SRGAP3: variants seen among roughly 807,000 people sequenced by gnomAD.
SRGAP3 encodes the protein SLIT-ROBO Rho GTPase activating protein 3.
SRGAP3 carries 39 observed loss-of-function variants against 121.1 expected under a neutral mutation model. The observed-to-expected ratio is 0.32, with a 90% CI of 0.25 to 0.42. The LOEUF is 0.42. Among genes scored for constraint, SRGAP3 ranks in the 10% least tolerant of loss-of-function variants. SRGAP3 has a pLI of 1.00. For missense variants in SRGAP3, 1,213 were observed against 1,470.6 expected (o/e 0.82, Z 2.86); for synonymous variants, 601 against 570.0 (o/e 1.05, Z -0.77).
At chr3:9,226,541 C>A (rs757922972) in intron 1 of SRGAP3, among the ~76,000 whole-genome samples, 1 of 152,170 alleles carries the variant, frequency 6.6e-6, no homozygotes, top group Non-Finnish European at 1.5e-5. Context: ...CTTCTATAAA[C>A]GCAGCCCAGA....
intron 3 of SRGAP3, among the ~76,000 whole-genome samples, chr3:9,294,366 C>G (rs1954916272): frequency 6.6e-6 from 1 of 152,070 alleles, no homozygotes; most frequent in Admixed American, 6.6e-5. Flanking sequence ...ACACTGGGGC[C>G]TATCAGATGG....
intron 1 of SRGAP3, among the ~76,000 whole-genome samples, chr3:9,224,142 C>A (rs959020216): frequency 6.6e-6 from 1 of 152,156 alleles, no homozygotes; most frequent in Non-Finnish European, 1.5e-5. Context: ...ATGATACCTA[C>A]AGCAACAGTC....
At chr3:9,298,818 G>A (rs1354099814) in intron 3 of SRGAP3, among the ~76,000 whole-genome samples, 6 of 152,090 alleles carry the variant, frequency 3.9e-5, no homozygotes, top group Admixed American at 6.6e-5. Context: ...TTGGGAGGCC[G>A]AGGCAGGCAG....
intron 6 of SRGAP3, chr3:9,060,000 T>G: frequency 1.7e-6 from 1 of 591,012 alleles, no homozygotes; most frequent in Non-Finnish European, 2.9e-6. Context: ...CCAAGCCAAC[T>G]GCACTGGGGC....
chr3:9,047,038 T>C (rs1022071545), intron 10 of SRGAP3, among the ~76,000 whole-genome samples: 1 of 152,118 alleles, frequency 6.6e-6, no homozygotes, highest in African/African-American at 2.4e-5. Flanking sequence ...TTCACCGTAT[T>C]AGCCAGGATG....
rs755834780 is a variant in SRGAP3, at chr3:9,064,415, A to G, written c.653T>C (p.Ile218Thr). Residue 218 changes from isoleucine to threonine, a missense_variant, in exon 5 of 22, where the codon ATT (isoleucine) becomes ACT (threonine). By Grantham distance (89) the Ile-to-Thr change is moderately conservative. Around this residue, in one of 2 missense-constraint regions of SRGAP3, gnomAD observed 793 missense variants for 1,032.9 expected, o/e 0.77. Coordinates refer to ENST00000383836, the MANE Select transcript of SRGAP3 (RefSeq NM_014850.4). Reference sequence around the variant, plus strand: ...ACTCACCTTCTCCTTCATCTTCTCAATCTTCTTCACAGAGCTGCGGCGCTG... The same window carrying G: ...ACTCACCTTCTCCTTCATCTTCTCAGTCTTCTTCACAGAGCTGCGGCGCTG... ...RPQRRSSVKK[I>T]EKMKEKRQAK... is the part of the protein sequence containing the mutation. The G allele has an allele frequency of 2.5e-6, 4 of 1,614,164 alleles. No homozygotes were observed. Among genetic ancestry groups the G allele is most frequent in the Admixed American group, 1.7e-5 (1 of 60,032 alleles).
chr3:9,229,462 C>G (rs181634007), intron 1 of SRGAP3, among the ~76,000 whole-genome samples: 1 of 152,136 alleles, frequency 6.6e-6, no homozygotes, highest in Non-Finnish European at 1.5e-5. Flanking sequence ...GGACAGAGGC[C>G]GGCATGGCAA....
intron 2 of SRGAP3, among the ~76,000 whole-genome samples, chr3:9,110,066 A>C (rs1440310700): frequency 1.3e-5 from 2 of 152,200 alleles, no homozygotes; most frequent in African/African-American, 4.8e-5. Context: ...CTGCACTTTC[A>C]AACTCTCACT....
At position 8,980,659 on chromosome 3, in the gene SRGAP3, T is replaced by G. The variant is rs752197001; in HGVS notation, c.*4860A>C. ...GTCAAACCAGCAGGCACCATCAGAA[T>G]ACGCGACAGAGGATCCAATCAGACA... is the stretch of plus-strand genomic sequence containing the variant. On this transcript the variant is annotated 3_prime_UTR_variant, in exon 22 of 22. Transcript: ENST00000383836. 13 of 231,386 alleles carry G rather than the reference T, an allele frequency of 5.6e-5. No individual in the cohort carries two copies. The highest frequency in any genetic ancestry group is 9.4e-5 in the Non-Finnish European group (11 of 116,724). 14.3% of individuals were successfully genotyped at this position (231,386 alleles called of 1,614,324 possible). A position where few individuals can be genotyped will look rare whatever the true frequency, so the allele number is the denominator to read the frequency against.
intron 9 of SRGAP3, among the ~76,000 whole-genome samples, chr3:9,050,644 T>C (rs1574979887): frequency 1.3e-5 from 2 of 152,248 alleles, no homozygotes; most frequent in South Asian, 2.1e-4. Flanking sequence ...TAGTCATAGA[T>C]ACTGGAGAAT....
intron 1 of SRGAP3, among the ~76,000 whole-genome samples, chr3:9,145,671 CACA>C (rs1949999011): frequency 6.6e-6 from 1 of 152,106 alleles, no homozygotes; most frequent in Admixed American, 6.5e-5. Flanking sequence ...TACAAAAAAT[CACA>C]ACATTACAAT....
chr3:9,078,785 C>G (rs1947100702), intron 4 of SRGAP3, among the ~76,000 whole-genome samples: 1 of 152,154 alleles, frequency 6.6e-6, no homozygotes, highest in Non-Finnish European at 1.5e-5. Context: ...CTTCCTTTAC[C>G]CTAAGAATGA....
chr3:9,002,760 T>A (rs1012076200), intron 18 of SRGAP3, among the ~76,000 whole-genome samples: 6 of 152,130 alleles, frequency 3.9e-5, no homozygotes, highest in African/African-American at 1.4e-4. Context: ...GAGGGGACGT[T>A]ACTACCATTA....
Position 8,985,682 on chromosome 3 carries a change from C to G in SRGAP3, c.3137G>C (p.Arg1046Pro), listed in dbSNP as rs112601580. 1 of 1,595,886 alleles carries G rather than the reference C, an allele frequency of 6.3e-7. No homozygotes were observed. Among genetic ancestry groups the G allele is most frequent in the Non-Finnish European group, 8.5e-7 (1 of 1,178,698 alleles). ...MTTFKPALSA[R>P]LAGAQLRPPP... ...CGGGCGGAGCTGGGCGCCAGCCAGG[C>G]GGGCGGACAGGGCTGGCTTGAAGGT... The change falls in exon 22 of 22, where the codon CGC becomes CCC. Residue 1046 changes from arginine (R) to proline (P), a missense_variant. Arg to Pro is a moderately radical substitution (Grantham distance 103). Transcript: ENST00000383836. This position sits in a 1 kb window ranked among gnomAD's most constrained non-coding sequence, Gnocchi z 5.1.
intron 3 of SRGAP3, among the ~76,000 whole-genome samples, chr3:9,316,552 C>T (rs1462936408): frequency 1.3e-5 from 2 of 151,912 alleles, no homozygotes; most frequent in African/African-American, 2.4e-5. Context: ...CCCAGCTACT[C>T]GGGAGGCTGA....
intron 3 of SRGAP3, among the ~76,000 whole-genome samples, chr3:9,306,222 C>T (rs9877607): frequency 0.8 from 121,352 of 152,196 alleles, 48,651 homozygotes; most frequent in East Asian, 0.92. Flanking sequence ...TTTTGAGAAG[C>T]GTCTGTTCAT....
chr3:9,158,233 T>C (rs760700583), intron 1 of SRGAP3, among the ~76,000 whole-genome samples: 6 of 152,176 alleles, frequency 3.9e-5, no homozygotes, highest in Admixed American at 2.0e-4. Context: ...TAGGATACTA[T>C]TACAGAAGCT....
At chr3:9,332,692 C>T (rs746316492) in intron 1 of SRGAP3, among the ~76,000 whole-genome samples, 7 of 152,096 alleles carry the variant, frequency 4.6e-5, no homozygotes, top group Non-Finnish European at 7.4e-5. Flanking sequence ...TTTTCCTTTG[C>T]TTTTAAAAAC....
chr3:9,208,130 G>A (rs947655771), intron 1 of SRGAP3, among the ~76,000 whole-genome samples: 2 of 151,916 alleles, frequency 1.3e-5, no homozygotes, highest in African/African-American at 2.4e-5. Flanking sequence ...ACTGGGCACC[G>A]TAGCCTTCCT....
Sources: allele counts gnomAD v4.1 joint callset (sites outside exome capture counted in the v4.1 genomes callset), GRCh38; gene constraint gnomAD v4.1.1; regional missense constraint gnomAD v4.1.1; non-coding constraint Gnocchi (gnomAD v3.1); transcripts MANE v1.5; gene names NCBI Gene and HGNC (gene_info 2026-07-23, HGNC 2026-07-21).